The following LIG1 variants were observed in gnomAD, a reference collection of about 807,000 sequenced individuals.
The protein encoded by LIG1 is ligase I, DNA, ATP-dependent.
A neutral mutation model predicts 115.7 loss-of-function variants in LIG1; 70 were observed. The ratio of observed to expected loss-of-function variants is 0.60; its 90% CI spans 0.50 to 0.74. The LOEUF is 0.74. Ranked by LOEUF, LIG1 falls within the 30% of genes least tolerant of loss-of-function variation. LIG1 has a pLI of 0.00. For synonymous variants in LIG1, 487 were observed against 495.3 expected, an observed-to-expected ratio of 0.98 and a Z score of 0.22; for missense variants, 1,115 against 1,225.6, an observed-to-expected ratio of 0.91 and a Z score of 1.35.
intron 19 of LIG1, among the ~76,000 whole-genome samples, chr19:48,130,439 C>T (rs143956586): frequency 3.3e-5 from 5 of 152,238 alleles, no homozygotes; most frequent in Non-Finnish European, 5.9e-5. Context: ...GTCCCCAACT[C>T]TGGGGCCTGT....
At chr19:48,165,439 A>T in intron 2 of LIG1, 111 bp downstream of exon 2, 2 of 919,724 alleles carry the variant, frequency 2.2e-6, no homozygotes, top group Non-Finnish European at 3.6e-6. Flanking sequence ...TCCAACTCAA[A>T]ATCTAACGTA....
At position 48,123,265 on chromosome 19, in the gene LIG1, A is replaced by T. The variant is rs762097925; in HGVS notation, c.2058T>A (p.Phe686Leu). 2 of 1,614,126 alleles carry T rather than the reference A, an allele frequency of 1.2e-6. No individual in the cohort carries two copies. The highest frequency in any genetic ancestry group is 2.2e-5 in the South Asian group (2 of 91,080). The change falls in exon 22 of 28, where the codon TTT becomes TTA. Residue 686 changes from phenylalanine (F) to leucine (L), a missense_variant. Transcript: ENST00000263274. Reference protein sequence around the residue: ...SRRRQLLRENFVETEGEFVFA... With the variant: ...SRRRQLLRENLVETEGEFVFA... The stretch of plus-strand genomic sequence containing the variant: ...AGACAAACTCGCCCTCTGTCTCCAC[A>T]AAGTTCTCCCGGAGCAGCTGCCGGC...
intron 9 of LIG1, among the ~76,000 whole-genome samples, chr19:48,147,681 A>C (rs77515952): frequency 2.8e-5 from 3 of 108,918 alleles, no homozygotes; most frequent in Admixed American, 8.8e-5. Flanking sequence ...CAAAAAACCC[A>C]AAAAACCTAA....
chr19:48,130,285 T>C (rs140472403), intron 19 of LIG1, among the ~76,000 whole-genome samples: 107 of 152,330 alleles, frequency 7.0e-4, no homozygotes, highest in African/African-American at 2.3e-3. Context: ...TCTGTCACTG[T>C]CTCTAACAGG....
At chr19:48,161,592 G>C in intron 3 of LIG1, 85 bp from the exon 4 acceptor site, 4 of 1,489,968 alleles carry the variant, frequency 2.7e-6, no homozygotes, top group Non-Finnish European at 3.7e-6. Flanking sequence ...TGGTTTCTTT[G>C]CTGTTTCCTT....
chr19:48,164,376 T>C (rs939188711), intron 2 of LIG1, among the ~76,000 whole-genome samples: 2 of 152,200 alleles, frequency 1.3e-5, no homozygotes, highest in African/African-American at 4.8e-5. Flanking sequence ...TGGGTCTCTC[T>C]ACCATCCATT....
chr19:48,157,082 T>C lies in LIG1; in HGVS notation c.302A>G (p.Asn101Ser), dbSNP rs2035898254. Residue 101 changes from asparagine (N) to serine (S), a missense_variant, in exon 5 of 28, where the codon AAC becomes AGC. Physicochemically the swap from Asn to Ser is conservative, Grantham distance 46 (BLOSUM62 1). Coordinates refer to ENST00000263274, the MANE Select transcript of LIG1 (RefSeq NM_000234.3). The part of the protein sequence containing the change: ...SPPRPATSPE[N>S]NASLSDTSPM... ...AGAGGTGTCAGAGAGGGAAGCATTG[T>C]TCTCAGGAGATGTGGCAGGACGGGG... The C allele has an allele frequency of 6.2e-7, 1 of 1,613,492 alleles. No homozygotes were observed.
At chr19:48,135,628 C>A in intron 16 of LIG1, 52 bp downstream of exon 16, 2 of 1,438,608 alleles carry the variant, frequency 1.4e-6, no homozygotes, top group South Asian at 2.3e-5. Flanking sequence ...CACCCCCACC[C>A]TGGCACTCTG....
At chr19:48,143,428 C>T (rs940467560) in intron 11 of LIG1, 115 bp downstream of exon 11, 9 of 954,788 alleles carry the variant, frequency 9.4e-6, no homozygotes, top group South Asian at 1.3e-5. Context: ...TACGCCCGAG[C>T]GGGGTCAGAG....
In LIG1 at chr19:48,154,014, G is replaced by A. The variant is rs1181001343; in HGVS notation, c.371-47C>T. On this transcript the variant is annotated intron_variant, in intron 5 of 27. Transcript: ENST00000263274. ...TGTATCTGACCTCGCTGGCTCGTGT[G>A]CTCCCATCCCGGAGAGCTCACACCC... 2.6e-6 allele frequency: 4 copies of A among 1,519,474 alleles called. No individual in the cohort carries two copies. The South Asian group carries it at 3.4e-5, about 13-fold the overall frequency. 94.1% of individuals were successfully genotyped at this position (1,519,474 alleles called of 1,614,324 possible). A position where few individuals can be genotyped will look rare whatever the true frequency, so the allele number is the denominator to read the frequency against.
At position 48,119,164 on chromosome 19, in the gene LIG1, C is replaced by A. The variant is rs1460655569; in HGVS notation, c.2412G>T (p.Glu804Asp). ...TGAGGCTCTGGTGATGCTCCTCCAGCTCCTCATCACTGAAGCCAGTTCCAA... is the reference window on the plus strand; with the variant it reads ...TGAGGCTCTGGTGATGCTCCTCCAGATCCTCATCACTGAAGCCAGTTCCAA... Reference protein sequence around the residue: ...CKLGTGFSDEELEEHHQSLKA... With the variant: ...CKLGTGFSDEDLEEHHQSLKA... Residue 804 changes from glutamate (E) to aspartate (D), a missense_variant, in exon 25 of 28, where the codon GAG becomes GAT. Physicochemically the swap from Glu to Asp is conservative, Grantham distance 45. Coordinates refer to ENST00000263274, the MANE Select transcript of LIG1 (RefSeq NM_000234.3). 1 of 1,583,946 alleles carries A rather than the reference C, an allele frequency of 6.3e-7. No individual in the cohort carries two copies.
At chr19:48,127,871 G>A (rs2033771891) in intron 20 of LIG1, 39 bp downstream of exon 20, 1 of 1,517,676 alleles carries the variant, frequency 6.6e-7, no homozygotes, top group Non-Finnish European at 9.1e-7. Flanking sequence ...AGATGAGGAA[G>A]TACGGGGCCT....
In LIG1 at chr19:48,156,984, CTGAA is replaced by C; in HGVS notation, c.370+26_370+29del. On this transcript the variant is annotated intron_variant, in intron 5 of 27. Transcript: ENST00000263274. ...AAAAGAGAAAAAGAAAGGCAGGCGACTGAAGGGGCAGGGGCCCGTGTGTTCTCAC... is the reference window on the plus strand; with the variant it reads ...AAAAGAGAAAAAGAAAGGCAGGCGACGGGGCAGGGGCCCGTGTGTTCTCAC... The C allele has an allele frequency of 1.6e-5, 22 of 1,382,928 alleles. 2 individuals are homozygous for C. Among genetic ancestry groups the C allele is most frequent in the Non-Finnish European group, 1.8e-5 (19 of 1,029,832 alleles). 85.7% of individuals were successfully genotyped at this position (1,382,928 alleles called of 1,614,324 possible).
intron 2 of LIG1, 95 bp downstream of exon 2, chr19:48,165,455 T>TG (rs2036427490): frequency 1.2e-5 from 13 of 1,050,358 alleles, no homozygotes; most frequent in African/African-American, 3.1e-5. Flanking sequence ...ACGTAAGAGT[T>TG]TTTGTTTGTT....
At chr19:48,127,850 G>T in intron 20 of LIG1, 60 bp downstream of exon 20, 4 of 1,384,732 alleles carry the variant, frequency 2.9e-6, no homozygotes, top group Non-Finnish European at 3.1e-6. Flanking sequence ...CCACAGCCAG[G>T]ACTGGGTGGA....
chr19:48,130,908 A>G lies in LIG1; in HGVS notation c.1821+168T>C, dbSNP rs114695935. Among the ~76,000 whole-genome samples the G allele has an allele frequency of 2.6e-3, 391 of 152,278 alleles. 1 individual carries two copies. Among genetic ancestry groups the G allele is most frequent in the Middle Eastern group, 0.01 (3 of 294 alleles). ...ACCTCTAGATGTGAGAAAAAATCAT[A>G]TGGGCTTACACCACGCAGGACTGAG... On this transcript the variant is annotated intron_variant, in intron 19 of 27. Transcript: ENST00000263274.
rs1429719711 is a variant in LIG1 at position 48,122,893 on chromosome 19, G to A, written c.2232+41C>T. On this transcript the variant is annotated intron_variant, in intron 23 of 27. Coordinates refer to ENST00000263274, the MANE Select transcript of LIG1 (RefSeq NM_000234.3). This position sits in a 1 kb window ranked among gnomAD's most constrained non-coding sequence, Gnocchi z 4.3. ...ACTGCCTAGCTGGGACAGACCTCCA[G>A]ACCCGGGGTGGAGAAGGCCCAGTTG... is the stretch of plus-strand genomic sequence containing the variant. 3.2e-6 allele frequency: 5 copies of A among 1,582,606 alleles called. No individual in the cohort carries two copies. The Admixed American group carries it at 8.3e-5, about 26-fold the overall frequency.
rs752805843 is a variant in LIG1 at position 48,140,109 on chromosome 19, G to C, written c.949C>G (p.Arg317Gly). ...RMVETLSNLL[R>G]SVVALSPPDL... ...GGAGGCGACAGGGCCACCACGGAGC[G>C]CAGCAAGTTGCTCAGCGTCTCCACC... Residue 317 changes from arginine (R) to glycine (G), a missense_variant, in exon 12 of 28, where the codon CGC (arginine) becomes GGC (glycine). Transcript: ENST00000263274. 2.5e-6 allele frequency: 4 copies of C among 1,613,740 alleles called. No individual in the cohort carries two copies. In the South Asian group the frequency reaches 3.3e-5, roughly 13 times the overall value.
intron 26 of LIG1, chr19:48,116,225 C>T (rs1213603233): frequency 4.4e-5 from 19 of 436,480 alleles, no homozygotes; most frequent in Admixed American, 3.3e-4. Flanking sequence ...GGGTGGATCA[C>T]GAGGTCAGGA....
Sources: allele counts gnomAD v4.1 joint callset (sites outside exome capture counted in the v4.1 genomes callset), GRCh38; gene constraint gnomAD v4.1.1; non-coding constraint Gnocchi (gnomAD v3.1); transcripts MANE v1.5; gene names NCBI Gene and HGNC (gene_info 2026-07-23, HGNC 2026-07-21).